The following MAPK8IP1 variants were observed in gnomAD, a reference collection of about 807,000 sequenced individuals.
The protein encoded by MAPK8IP1 is mitogen-activated protein kinase 8 interacting protein 1.
In MAPK8IP1, 17 loss-of-function variants were observed where a neutral mutation model predicts 72.6. That is an observed-to-expected ratio of 0.23 (90% CI 0.16 to 0.35). MAPK8IP1 has a LOEUF of 0.35. MAPK8IP1 is among the 10% of genes least tolerant of loss of function. The pLI is 1.00. For missense variants in MAPK8IP1, 789 were observed against 1,009.7 expected, an observed-to-expected ratio of 0.78 and a Z score of 2.96; for synonymous variants, 401 against 443.4, an observed-to-expected ratio of 0.90 and a Z score of 1.20.
chr11:45,897,005 G>C (rs1008483308), intron 1 of MAPK8IP1: 51 of 1,534,096 alleles, frequency 3.3e-5, no homozygotes, highest in Non-Finnish European at 4.3e-5. Context: ...GAGCTCCATC[G>C]AGCTCAGGGT....
chr11:45,900,574 G>A lies in MAPK8IP1; in HGVS notation c.522+122G>A, dbSNP rs780565244. ...AGTGCCTGGGGACAGCGCCTGCATA[G>A]GGGCCGCGGTGGCTCGCTCCCGGTG... On this transcript the variant is annotated intron_variant, in intron 3 of 11. Transcript: ENST00000241014. The surrounding 1 kb of genome is among the most constrained non-coding windows in gnomAD (Gnocchi z 6.5). The A allele has an allele frequency of 2.4e-5, 28 of 1,178,472 alleles. No individual in the cohort carries two copies. Among genetic ancestry groups the A allele is most frequent in the Non-Finnish European group, 3.0e-5 (26 of 859,764 alleles). The allele number at this position is 1,178,472 out of a possible 1,614,324, so 73.0% of individuals were successfully genotyped here. A position where few individuals can be genotyped will look rare whatever the true frequency, so the allele number is the denominator to read the frequency against.
chr11:45,893,730 C>T (rs568999544), intron 1 of MAPK8IP1, among the ~76,000 whole-genome samples: 38 of 152,300 alleles, frequency 2.5e-4, no homozygotes, highest in African/African-American at 8.4e-4. Context: ...CTGCCATGAG[C>T]AGGGTGGATC....
chr11:45,903,520 GC>G lies in MAPK8IP1; in HGVS notation c.1493+82del. 8.1e-7 allele frequency: 1 copy of G among 1,238,136 alleles called. No homozygotes were observed. Among genetic ancestry groups the G allele is most frequent in the South Asian group, 1.3e-5 (1 of 78,462 alleles). The allele number at this position is 1,238,136 out of a possible 1,614,324, so 76.7% of individuals were successfully genotyped here. On this transcript the variant is annotated intron_variant, in intron 6 of 11. Transcript: ENST00000241014. The surrounding 1 kb of genome is among the most constrained non-coding windows in gnomAD (Gnocchi z 6.4). ...ACCCTCTACTTGTCACCCCTACATGGCCTCAGCCTAACCCCTGCCATCAGCC... is the reference window on the plus strand; with the variant it reads ...ACCCTCTACTTGTCACCCCTACATGGCTCAGCCTAACCCCTGCCATCAGCC...
chr11:45,906,136 GCCCTGC>G lies in MAPK8IP1; in HGVS notation c.*425_*430del. On this transcript the variant is annotated 3_prime_UTR_variant, in exon 12 of 12. Coordinates refer to ENST00000241014, the MANE Select transcript of MAPK8IP1 (RefSeq NM_005456.4). ...AAGCCTGTGCCACCTGCAAGTGCCC[GCCCTGC>G]CCCTGCCCCAACCCCCACCGAAGAG... 5.6e-6 allele frequency: 2 copies of G among 358,444 alleles called. No homozygotes were observed. The allele number at this position is 358,444 out of a possible 1,614,324, so 22.2% of individuals were successfully genotyped here. A position where few individuals can be genotyped will look rare whatever the true frequency, so the allele number is the denominator to read the frequency against.
At position 45,904,805 on chromosome 11, in the gene MAPK8IP1, G is replaced by A. The variant is rs549861347; in HGVS notation, c.1864G>A (p.Val622Ile). ...CAGCGTGCGGGGTGTGAAGATAGGC[G>A]TCAAGGCCGATGACTCCCAGGAGGC... ...EISVRGVKIG[V>I]KADDSQEAKG... The change falls in exon 9 of 12, where the codon GTC (valine) becomes ATC (isoleucine). Residue 622 changes from valine (V) to isoleucine (I), a missense_variant. Coordinates refer to ENST00000241014, the MANE Select transcript of MAPK8IP1 (RefSeq NM_005456.4). The surrounding 1 kb of genome is among the most constrained non-coding windows in gnomAD (Gnocchi z 6.4). 4.2e-5 allele frequency: 68 copies of A among 1,614,064 alleles called. No individual in the cohort carries two copies. In the East Asian group the frequency reaches 8.9e-4, roughly 21 times the overall value.
rs761753867 is a variant in MAPK8IP1 at position 45,902,432 on chromosome 11, G to A, written c.665G>A (p.Gly222Asp). 5.7e-6 allele frequency: 9 copies of A among 1,583,330 alleles called. No individual in the cohort carries two copies. In the African/African-American group the frequency reaches 1.2e-4, roughly 21 times the overall value. ...CLSDELPPQSGPAPTTDRGTS... is the reference protein window; with the variant it reads ...CLSDELPPQSDPAPTTDRGTS... ...AGCGATGAGCTGCCCCCCCAGAGCG[G>A]CCCCGCCCCCACCACAGATCGAGGC... Residue 222 changes from glycine (G) to aspartate (D), a missense_variant, in exon 5 of 12, where the codon GGC becomes GAC. By Grantham distance (94) the Gly-to-Asp change is moderately conservative. This residue lies in a region of MAPK8IP1 where 377 missense variants were observed against 411.7 expected (regional missense o/e 0.92). Coordinates refer to ENST00000241014, the MANE Select transcript of MAPK8IP1 (RefSeq NM_005456.4). This position sits in a 1 kb window ranked among gnomAD's most constrained non-coding sequence, Gnocchi z 9.3.
At chr11:45,887,278 T>C (rs1272769344) in intron 1 of MAPK8IP1, among the ~76,000 whole-genome samples, 1 of 152,184 alleles carries the variant, frequency 6.6e-6, no homozygotes, top group African/African-American at 2.4e-5. Flanking sequence ...ATCTGTTAAG[T>C]GGGCTAATTA....
In MAPK8IP1 at chr11:45,901,966, T is replaced by C; in HGVS notation, c.523-14T>C. ...GACCACTTCCATCACAAGAGCCTTT[T>C]GTTCCCTGCACAGGACACACTGAAT... On this transcript the variant is annotated splice_polypyrimidine_tract_variant and intron_variant, in intron 3 of 11. Transcript: ENST00000241014. 1.2e-6 allele frequency: 2 copies of C among 1,610,306 alleles called. No homozygotes were observed. The highest frequency in any genetic ancestry group is 4.5e-5 in the East Asian group (2 of 44,868).
chr11:45,900,492 C>CGGAGATG lies in MAPK8IP1; in HGVS notation c.522+41_522+47dup. ...TGGGGGGCGGCGCCCTGGGCCGCCG[C>CGGAGATG]GGAGATGTGAGGGGGAGCGCAGAGG... On this transcript the variant is annotated intron_variant, in intron 3 of 11. Coordinates refer to ENST00000241014, the MANE Select transcript of MAPK8IP1 (RefSeq NM_005456.4). The surrounding 1 kb of genome is among the most constrained non-coding windows in gnomAD (Gnocchi z 6.5). The CGGAGATG allele has an allele frequency of 6.5e-7, 1 of 1,528,416 alleles. No homozygotes were observed. Among genetic ancestry groups the CGGAGATG allele is most frequent in the Non-Finnish European group, 8.7e-7 (1 of 1,143,580 alleles). The allele number at this position is 1,528,416 out of a possible 1,614,324, so 94.7% of individuals were successfully genotyped here. A position where few individuals can be genotyped will look rare whatever the true frequency, so the allele number is the denominator to read the frequency against.
Position 45,903,404 on chromosome 11 carries a change from G to C in MAPK8IP1, c.1457G>C (p.Gly486Ala). The stretch of plus-strand genomic sequence containing the variant: ...GGGCTGTTCTCCTGCATCATCAACG[G>C]GGAGGAGCAGGAGCAGACCCACCGG... ...SFGLFSCIIN[G>A]EEQEQTHRAI... The change falls in exon 6 of 12, where the codon GGG becomes GCG. Residue 486 changes from glycine (G) to alanine (A), a missense_variant. By Grantham distance (60) the Gly-to-Ala change is moderately conservative (BLOSUM62 0). Coordinates refer to ENST00000241014, the MANE Select transcript of MAPK8IP1 (RefSeq NM_005456.4). The surrounding 1 kb of genome is among the most constrained non-coding windows in gnomAD (Gnocchi z 6.4). 1.9e-6 allele frequency: 3 copies of C among 1,613,442 alleles called. No individual in the cohort carries two copies. Among genetic ancestry groups the C allele is most frequent in the Non-Finnish European group, 2.5e-6 (3 of 1,180,012 alleles).
chr11:45,893,873 T>C (rs2086584581), intron 1 of MAPK8IP1, among the ~76,000 whole-genome samples: 1 of 151,336 alleles, frequency 6.6e-6, no homozygotes, highest in Non-Finnish European at 1.5e-5. Flanking sequence ...CAAGTGTCTG[T>C]TTAGCCTTCT....
chr11:45,896,709 A>G (rs545198257), intron 1 of MAPK8IP1: 6 of 1,435,356 alleles, frequency 4.2e-6, no homozygotes, highest in African/African-American at 1.4e-5. Context: ...TGGCCTGTCT[A>G]TTTTTAATGA....
chr11:45,896,819 C>G lies in MAPK8IP1; in HGVS notation c.102-1266C>G, dbSNP rs572011569. 2.8e-4 allele frequency: 428 copies of G among 1,546,206 alleles called. 3 individuals carry two copies. In the South Asian group the frequency reaches 4.8e-3, roughly 17 times the overall value. On this transcript the variant is annotated intron_variant, in intron 1 of 11. Transcript: ENST00000241014. ...TGCCTTGAGCCCTGGCCCCCCCACC[C>G]TTCCGGGCATGAGAGGGCAGCCCTG...
chr11:45,892,068 T>C (rs1301082551), intron 1 of MAPK8IP1, among the ~76,000 whole-genome samples: 1 of 152,238 alleles, frequency 6.6e-6, no homozygotes, highest in Non-Finnish European at 1.5e-5. Context: ...GGCTCATTTC[T>C]TTGGTTGGAT....
Position 45,905,241 on chromosome 11 carries a change from G to A in MAPK8IP1, c.2055G>A (p.Glu685=), listed in dbSNP as rs142320178. 4.2e-5 allele frequency: 68 copies of A among 1,611,758 alleles called. No individual in the cohort carries two copies. The highest frequency in any genetic ancestry group is 5.6e-5 in the Non-Finnish European group (66 of 1,179,974). Residue 685 remains glutamate (E), a synonymous_variant, in exon 11 of 12, where the codon GAG becomes GAA. Coordinates refer to ENST00000241014, the MANE Select transcript of MAPK8IP1 (RefSeq NM_005456.4). ...AAGACTCCACCAAAGCCCTGGCAGA[G>A]TCCGTGGGGTACGTGTACACCCTGC... is the stretch of plus-strand genomic sequence containing the variant. ...VSEDSTKALA[E]SVGRAFQQFY... is the part of the protein sequence containing the mutation.
intron 11 of MAPK8IP1, 85 bp downstream of exon 11, chr11:45,905,334 G>GC: frequency 1.6e-6 from 2 of 1,285,782 alleles, no homozygotes; most frequent in Non-Finnish European, 2.2e-6. Flanking sequence ...GCTCAGCTTT[G>GC]CCCCTCGGTT....
rs1269633604 is a variant in MAPK8IP1 at position 45,903,272 on chromosome 11, G to GCC, written c.1418-90_1418-89dup. Reference sequence around the variant, plus strand: ...GAAGTGTTCTGGGAGGCGACCCCAGGCCCCATCTGGTTAGGACTGAGGCTT... The same window carrying GCC: ...GAAGTGTTCTGGGAGGCGACCCCAGGCCCCCCATCTGGTTAGGACTGAGGCTT... On this transcript the variant is annotated intron_variant, in intron 5 of 11. Coordinates refer to ENST00000241014, the MANE Select transcript of MAPK8IP1 (RefSeq NM_005456.4). The surrounding 1 kb of genome is among the most constrained non-coding windows in gnomAD (Gnocchi z 6.4). The GCC allele has an allele frequency of 6.3e-7, 1 of 1,578,106 alleles. No homozygotes were observed. The highest frequency in any genetic ancestry group is 1.3e-5 in the African/African-American group (1 of 74,138).
rs2086622214 is a variant in MAPK8IP1 at position 45,898,167 on chromosome 11, T to G, written c.184T>G (p.Cys62Gly). 6.2e-7 allele frequency: 1 copy of G among 1,613,366 alleles called. No homozygotes were observed. Residue 62 changes from cysteine (C) to glycine (G), a missense_variant, in exon 2 of 12, where the codon TGC becomes GGC. Coordinates refer to ENST00000241014, the MANE Select transcript of MAPK8IP1 (RefSeq NM_005456.4). ...TGATGAGTGTGGCATCAGCTTACAGTGCAAAGACACCCTGTCCTTACGGGT... is the reference window on the plus strand; with the variant it reads ...TGATGAGTGTGGCATCAGCTTACAGGGCAAAGACACCCTGTCCTTACGGGT... ...ITDECGISLQCKDTLSLRPPR... is the reference protein window; with the variant it reads ...ITDECGISLQGKDTLSLRPPR...
chr11:45,885,936 C>G lies in MAPK8IP1; in HGVS notation c.101+15C>G, dbSNP rs942726150. On this transcript the variant is annotated intron_variant, in intron 1 of 11. Coordinates refer to ENST00000241014, the MANE Select transcript of MAPK8IP1 (RefSeq NM_005456.4). ...CCCAATTTCAGGTGAGAGTCCCCGG[C>G]CGCCGCGCGCCTCGCCCTTCAGCGG... 1 of 1,456,398 alleles carries G rather than the reference C, an allele frequency of 6.9e-7. No individual in the cohort carries two copies. Among genetic ancestry groups the G allele is most frequent in the South Asian group, 1.3e-5 (1 of 75,142 alleles). 90.2% of individuals were successfully genotyped at this position (1,456,398 alleles called of 1,614,324 possible). A position where few individuals can be genotyped will look rare whatever the true frequency, so the allele number is the denominator to read the frequency against.
Sources: gnomAD v4.1 joint callset for allele counts (sites outside exome capture counted in the v4.1 genomes callset) on GRCh38, gnomAD v4.1.1 for gene constraint, gnomAD v4.1.1 regional missense constraint, Gnocchi (gnomAD v3.1) non-coding constraint, MANE v1.5 for transcripts, NCBI Gene and HGNC (gene_info 2026-07-23, HGNC 2026-07-21) for gene names.